Variants in NRP1 observed in about 807,000 individuals in gnomAD.
NRP1 encodes the protein neuropilin 1.
In NRP1, 35 loss-of-function variants were observed where a neutral mutation model predicts 106.7. The ratio of observed to expected loss-of-function variants is 0.33; its 90% confidence interval spans 0.25 to 0.43. The LOEUF (loss-of-function observed/expected upper bound fraction) is 0.43, where lower values mean the gene tolerates loss of function less well. NRP1 is among the 20% of genes least tolerant of loss of function. NRP1 has a pLI of 1.00. For missense variants in NRP1, 1,024 were observed against 1,170.4 expected (o/e 0.87, Z 1.83); for synonymous variants, 437 against 417.9 (o/e 1.05, Z -0.56).
At chr10:33,214,108 G>A (rs7092455) in intron 8 of NRP1, among the ~76,000 whole-genome samples, 3,953 of 152,256 alleles carry the variant, frequency 0.026, 174 homozygotes, top group African/African-American at 0.087. Flanking sequence ...CCGATAGCAG[G>A]AAGGTTGCTA....
intron 6 of NRP1, among the ~76,000 whole-genome samples, chr10:33,238,015 T>A (rs1018412734): frequency 6.6e-6 from 1 of 152,126 alleles, no homozygotes; most frequent in Admixed American, 6.5e-5. Context: ...GGCTGTGAAG[T>A]GTTTGGCTAG....
intron 2 of NRP1, among the ~76,000 whole-genome samples, chr10:33,320,778 G>A (rs1282375976): frequency 6.6e-6 from 1 of 152,202 alleles, no homozygotes; most frequent in Non-Finnish European, 1.5e-5. Flanking sequence ...GACAGCGAAA[G>A]GTAGAAATGT....
intron 2 of NRP1, among the ~76,000 whole-genome samples, chr10:33,328,917 G>A (rs974243098): frequency 6.6e-5 from 10 of 152,092 alleles, no homozygotes; most frequent in Non-Finnish European, 1.3e-4. Flanking sequence ...ATTAGTAAAC[G>A]TCAGTTTATT....
intron 2 of NRP1, among the ~76,000 whole-genome samples, chr10:33,285,833 AAAAAC>A (rs56400487): frequency 5.0e-4 from 74 of 148,178 alleles, no homozygotes; most frequent in East Asian, 1.2e-3. Context: ...ACTCCATCTC[AAAAAC>A]AAAACAAAAC....
chr10:33,330,646 C>T, intron 2 of NRP1, 62 bp downstream of exon 2: 3 of 1,438,918 alleles, frequency 2.1e-6, no homozygotes, highest in Middle Eastern at 1.9e-4. Flanking sequence ...ACTTCCCCCC[C>T]GTAGACAGGC....
intron 6 of NRP1, among the ~76,000 whole-genome samples, chr10:33,227,401 G>A (rs1839756433): frequency 6.6e-6 from 1 of 152,054 alleles, no homozygotes; most frequent in Non-Finnish European, 1.5e-5. Flanking sequence ...TTTGGGAGAG[G>A]GGCCATAGAT....
chr10:33,178,180 G>A lies in NRP1; in HGVS notation c.*1896C>T, dbSNP rs10080. 0.5 allele frequency: 76,877 copies of A among 152,372 alleles called. 20,306 individuals carry two copies. The highest frequency in any genetic ancestry group is 0.75 in the East Asian group (3,854 of 5,164). The allele number at this position is 152,372 out of a possible 1,614,324, so 9.4% of individuals were successfully genotyped here. A position where few individuals can be genotyped will look rare whatever the true frequency, so the allele number is the denominator to read the frequency against. ...TTAACTAAGATGAATGGACTGTCTCGTCTATGATGCAAATGTGACTCCCAA... is the reference window on the plus strand; with the variant it reads ...TTAACTAAGATGAATGGACTGTCTCATCTATGATGCAAATGTGACTCCCAA... On this transcript the variant is annotated 3_prime_UTR_variant, in exon 17 of 17. Coordinates refer to ENST00000374867, the MANE Select transcript of NRP1 (RefSeq NM_003873.7).
At chr10:33,217,791 T>C (rs1300822269) in intron 8 of NRP1, among the ~76,000 whole-genome samples, 5 of 152,200 alleles carry the variant, frequency 3.3e-5, no homozygotes, top group Admixed American at 3.3e-4. Context: ...TTAAGACCAC[T>C]TCAGGATGGA....
At chr10:33,280,632 T>C (rs746116857) in intron 2 of NRP1, among the ~76,000 whole-genome samples, 31 of 152,218 alleles carry the variant, frequency 2.0e-4, no homozygotes, top group Non-Finnish European at 4.0e-4. Context: ...ACATATTTAC[T>C]TCCTTCTTAT....
intron 4 of NRP1, among the ~76,000 whole-genome samples, chr10:33,262,015 T>C (rs2133231540): frequency 6.6e-6 from 1 of 152,296 alleles, no homozygotes; most frequent in South Asian, 2.1e-4. Flanking sequence ...GGATTACAGG[T>C]AGGAGCCACA....
At chr10:33,275,077 G>C (rs1485478085) in intron 2 of NRP1, among the ~76,000 whole-genome samples, 2 of 152,168 alleles carry the variant, frequency 1.3e-5, no homozygotes, top group African/African-American at 4.8e-5. Context: ...GTGGAGCTAG[G>C]AGGAGCCAAT....
rs1049268470 is a variant in NRP1 at position 33,315,097 on chromosome 10, G to A, written c.248+15611C>T. 1.8e-4 allele frequency among the ~76,000 whole-genome samples: 27 copies of A among 152,208 alleles called. 1 individual carries two copies. The highest frequency in any genetic ancestry group is 2.9e-5 in the Non-Finnish European group (2 of 68,048). ...TCAGAAAACACTCAGCAATCAGGAC[G>A]TATGCCTACAACATTAATACATTTT... On this transcript the variant is annotated intron_variant, in intron 2 of 16. Coordinates refer to ENST00000374867, the MANE Select transcript of NRP1 (RefSeq NM_003873.7).
Position 33,248,372 on chromosome 10 carries a change from A to T in NRP1, c.981+5656T>A, listed in dbSNP as rs111800996. 1.5e-3 allele frequency among the ~76,000 whole-genome samples: 222 copies of T among 152,314 alleles called. 1 individual carries two copies. The highest frequency in any genetic ancestry group is 4.5e-3 in the African/African-American group (187 of 41,568). On this transcript the variant is annotated intron_variant, in intron 6 of 16. Coordinates refer to ENST00000374867, the MANE Select transcript of NRP1 (RefSeq NM_003873.7). The stretch of plus-strand genomic sequence containing the variant: ...AGAGTATGTGTCACAATTAATTTAA[A>T]AATCTTTCAAGCAACCCTAAAGGCC...
intron 6 of NRP1, among the ~76,000 whole-genome samples, chr10:33,237,910 A>G (rs1385694624): frequency 3.3e-5 from 5 of 152,048 alleles, no homozygotes; most frequent in Non-Finnish European, 5.9e-5. Flanking sequence ...GAGAGCAAAG[A>G]TAAGTGTCCT....
chr10:33,327,011 C>T (rs763059169), intron 2 of NRP1, among the ~76,000 whole-genome samples: 1 of 151,982 alleles, frequency 6.6e-6, no homozygotes, highest in Non-Finnish European at 1.5e-5. Flanking sequence ...ATGACTTAAC[C>T]ATCCCTATAC....
chr10:33,264,758 A>T (rs556498774), intron 3 of NRP1, among the ~76,000 whole-genome samples: 61 of 152,282 alleles, frequency 4.0e-4, no homozygotes, highest in Middle Eastern at 6.8e-3. Flanking sequence ...GAATGACTCC[A>T]ATTTCAATTC....
At chr10:33,331,484 A>T (rs1848282048) in intron 1 of NRP1, among the ~76,000 whole-genome samples, 1 of 152,222 alleles carries the variant, frequency 6.6e-6, no homozygotes, top group African/African-American at 2.4e-5. Flanking sequence ...GTGAAGCAGA[A>T]ATAATTCTGC....
chr10:33,265,149 A>G (rs1053105851), intron 3 of NRP1, among the ~76,000 whole-genome samples: 4 of 152,050 alleles, frequency 2.6e-5, no homozygotes, highest in African/African-American at 4.8e-5. Flanking sequence ...ACAACAACCA[A>G]AAAAACCCAA....
intron 12 of NRP1, chr10:33,194,808 A>C (rs763654219): frequency 2.0e-6 from 1 of 507,080 alleles, no homozygotes; most frequent in East Asian, 5.7e-5. Flanking sequence ...CAAACCACCC[A>C]TAAACATTTA....
Sources: gnomAD v4.1 joint callset for allele counts (sites outside exome capture counted in the v4.1 genomes callset) on GRCh38, gnomAD v4.1.1 for gene constraint, MANE v1.5 for transcripts, NCBI Gene and HGNC (gene_info 2026-07-23, HGNC 2026-07-21) for gene names.